The following NEK6 variants were observed in gnomAD, a reference collection of about 807,000 sequenced individuals.
NEK6 encodes the protein NIMA related kinase 6.
NEK6 carries 27 observed loss-of-function variants against 43.5 expected under a neutral mutation model. The observed-to-expected ratio is 0.62, with a 90% CI of 0.46 to 0.86. The LOEUF (loss-of-function observed/expected upper bound fraction) is 0.86, where lower values mean the gene tolerates loss of function less well. NEK6 is among the 40% of genes least tolerant of loss of function. The pLI is 0.00. For missense variants in NEK6, 318 were observed against 414.4 expected, an observed-to-expected ratio of 0.77 and a Z score of 2.02; for synonymous variants, 167 against 164.1, an observed-to-expected ratio of 1.02 and a Z score of -0.14.
intron 1 of NEK6, 100 bp downstream of exon 1, chr9:124,258,185 C>A: frequency 2.1e-6 from 2 of 973,852 alleles, no homozygotes; most frequent in Non-Finnish European, 2.4e-6. Flanking sequence ...GGGCCGAGGG[C>A]GGGCGCGCGC....
chr9:124,314,117 G>T (rs1488897591), intron 4 of NEK6, 132 bp downstream of exon 4: 3 of 769,450 alleles, frequency 3.9e-6, no homozygotes, highest in Admixed American at 4.9e-5. Flanking sequence ...ACAGACGATA[G>T]CTTTCTAGGG....
intron 1 of NEK6, chr9:124,292,373 C>T: frequency 6.6e-7 from 1 of 1,513,566 alleles, no homozygotes; most frequent in East Asian, 2.5e-5. Flanking sequence ...GCCAGAACTT[C>T]TGAGTTTCCA....
At chr9:124,261,559 T>C (rs922328290) in intron 1 of NEK6, 2 of 985,328 alleles carry the variant, frequency 2.0e-6, no homozygotes, top group African/African-American at 3.5e-5. Context: ...CAGTCCTAAA[T>C]ATCTGACAGC....
intron 1 of NEK6, among the ~76,000 whole-genome samples, chr9:124,293,581 T>C (rs1331648901): frequency 6.6e-6 from 1 of 152,222 alleles, no homozygotes; most frequent in Non-Finnish European, 1.5e-5. Context: ...CTGGGAACCC[T>C]GCAGTGTGCG....
chr9:124,313,902 C>A, intron 3 of NEK6, 21 bp from the exon 4 acceptor site: 1 of 1,613,998 alleles, frequency 6.2e-7, no homozygotes, highest in East Asian at 2.2e-5. Flanking sequence ...CACTCTATTT[C>A]TCTTTTTCCT....
chr9:124,268,430 G>A (rs1831306418), intron 1 of NEK6, among the ~76,000 whole-genome samples: 1 of 152,176 alleles, frequency 6.6e-6, no homozygotes, highest in South Asian at 2.1e-4. Flanking sequence ...CAGCCCATAG[G>A]GTGTGCTGTG....
At chr9:124,347,088 A>G (rs895421527) in intron 8 of NEK6, among the ~76,000 whole-genome samples, 1 of 152,144 alleles carries the variant, frequency 6.6e-6, no homozygotes, top group African/African-American at 2.4e-5. Context: ...TCCCTCCAAC[A>G]TGCTGCTGCG....
At chr9:124,328,355 A>G (rs1180454445) in intron 7 of NEK6, among the ~76,000 whole-genome samples, 1 of 152,110 alleles carries the variant, frequency 6.6e-6, no homozygotes, top group African/African-American at 2.4e-5. Flanking sequence ...ATCTGTGGGA[A>G]CATTTCCCAG....
intron 1 of NEK6, among the ~76,000 whole-genome samples, chr9:124,296,257 G>A (rs188713014): frequency 6.6e-6 from 1 of 152,356 alleles, no homozygotes; most frequent in African/African-American, 2.4e-5. Flanking sequence ...AGCTGTGTGT[G>A]CCTGAGTGTG....
At chr9:124,299,954 C>A (rs1194957928) in intron 1 of NEK6, 1 of 152,268 alleles carries the variant, frequency 6.6e-6, no homozygotes, top group Admixed American at 6.5e-5. Flanking sequence ...TCCATACCAT[C>A]CACTTCCCTG....
chr9:124,257,704 G>A (rs1418515319), upstream of NEK6: 2 of 1,533,628 alleles, frequency 1.3e-6, no homozygotes, highest in Non-Finnish European at 1.7e-6. Flanking sequence ...AAGATGGGGA[G>A]ACGCCGGCCT....
intron 9 of NEK6, among the ~76,000 whole-genome samples, chr9:124,349,856 T>C (rs1248147435): frequency 6.6e-6 from 1 of 152,170 alleles, no homozygotes; most frequent in African/African-American, 2.4e-5. Context: ...TCACCTGGGC[T>C]TCTCGGTTGT....
chr9:124,303,808 A>G (rs919988287), intron 2 of NEK6, among the ~76,000 whole-genome samples: 1 of 152,170 alleles, frequency 6.6e-6, no homozygotes, highest in African/African-American at 2.4e-5. Context: ...TAATGTAGCA[A>G]TTTGTCATAT....
chr9:124,261,496 A>G (rs1003150388), intron 1 of NEK6: 7 of 985,340 alleles, frequency 7.1e-6, no homozygotes, highest in Admixed American at 1.2e-4. Flanking sequence ...CACTGTTCGC[A>G]GGAAGAGTCC....
chr9:124,259,351 A>T (rs1830932716), intron 1 of NEK6: 1 of 152,010 alleles, frequency 6.6e-6, no homozygotes, highest in African/African-American at 2.4e-5. Flanking sequence ...CACGTTTAAA[A>T]ACCCTGTCGT....
In NEK6 at chr9:124,343,503, C is replaced by T. The variant is rs1031494654; in HGVS notation, c.717+3838C>T. Among the ~76,000 whole-genome samples, 3 of 152,110 alleles carry T rather than the reference C, an allele frequency of 2.0e-5. No homozygotes were observed. The highest frequency in any genetic ancestry group is 7.2e-5 in the African/African-American group (3 of 41,432). On this transcript the variant is annotated intron_variant, in intron 8 of 9. Transcript: ENST00000320246. This position sits in a 1 kb window ranked among gnomAD's most constrained non-coding sequence, Gnocchi z 5.1. ...CCATAGCCGGCCCATCCAAGGGTAA[C>T]GGGGCAGGGGCTCTGTGCCAAGTGA...
chr9:124,270,245 G>T (rs570864925), intron 1 of NEK6, among the ~76,000 whole-genome samples: 3 of 152,322 alleles, frequency 2.0e-5, no homozygotes, highest in Admixed American at 2.0e-4. Flanking sequence ...CACCTGGAGC[G>T]GGGCCTGGCA....
At chr9:124,287,093 G>A (rs999308769) in intron 1 of NEK6, among the ~76,000 whole-genome samples, 1 of 152,142 alleles carries the variant, frequency 6.6e-6, no homozygotes, top group Non-Finnish European at 1.5e-5. Context: ...GAAGCCTGGG[G>A]ACAGACCCTG....
At position 124,275,028 on chromosome 9, in the gene NEK6, C is replaced by A. The variant is rs554010639; in HGVS notation, c.-30+16943C>A. On this transcript the variant is annotated intron_variant, in intron 1 of 9. Coordinates refer to ENST00000320246, the MANE Select transcript of NEK6 (RefSeq NM_014397.6). The surrounding 1 kb of genome is among the most constrained non-coding windows in gnomAD (Gnocchi z 4.4). ...AACCTGAGCAGGGACCCCAGGGGCACGAGCTCTGCTTAGTTCTTGTGATTA... is the reference window on the plus strand; with the variant it reads ...AACCTGAGCAGGGACCCCAGGGGCAAGAGCTCTGCTTAGTTCTTGTGATTA... Among the ~76,000 whole-genome samples the A allele has an allele frequency of 2.6e-5, 4 of 152,270 alleles. No individual in the cohort carries two copies. The highest frequency in any genetic ancestry group is 6.5e-5 in the Admixed American group (1 of 15,298).
Sources: gnomAD v4.1 joint callset for allele counts (sites outside exome capture counted in the v4.1 genomes callset) on GRCh38, gnomAD v4.1.1 for gene constraint, Gnocchi (gnomAD v3.1) non-coding constraint, MANE v1.5 for transcripts, NCBI Gene and HGNC (gene_info 2026-07-23, HGNC 2026-07-21) for gene names.